The following PKD1L1 variants were observed in gnomAD, a reference collection of about 807,000 sequenced individuals.
The protein encoded by PKD1L1 is polycystin-1-like protein 1.
A neutral mutation model predicts 323.4 loss-of-function variants in PKD1L1; 236 were observed. The ratio of observed to expected loss-of-function variants is 0.73; its 90% CI spans 0.66 to 0.81. PKD1L1 has a LOEUF of 0.81. PKD1L1 is among the 40% of genes least tolerant of loss of function. The pLI is 0.00. For synonymous variants in PKD1L1, 1,344 were observed against 1,335.0 expected (o/e 1.01, Z -0.15); for missense variants, 3,320 against 3,508.0 (o/e 0.95, Z 1.35).
intron 26 of PKD1L1, among the ~76,000 whole-genome samples, chr7:47,864,465 G>C (rs1367792632): frequency 6.6e-6 from 1 of 152,080 alleles, no homozygotes; most frequent in East Asian, 1.9e-4. Flanking sequence ...TACCAATAAA[G>C]AACAAGCCCC....
chr7:47,935,054 T>C (rs1245449618), intron 4 of PKD1L1, among the ~76,000 whole-genome samples: 3 of 152,166 alleles, frequency 2.0e-5, no homozygotes, highest in African/African-American at 7.2e-5. Flanking sequence ...CCTGCCTGCA[T>C]TGCCAGGCCT....
At chr7:47,809,273 G>A (rs2128728665) in intron 51 of PKD1L1, 200 bp downstream of exon 51, 1 of 467,558 alleles carries the variant, frequency 2.1e-6, no homozygotes, top group Non-Finnish European at 3.8e-6. Flanking sequence ...TGAAATTCGT[G>A]TGGTACATGA....
chr7:47,813,638 T>A, intron 48 of PKD1L1: 2 of 666,454 alleles, frequency 3.0e-6, no homozygotes, highest in Non-Finnish European at 5.5e-6. Context: ...ATTTTTAGAT[T>A]GTTTGATTAA....
At chr7:47,950,395 A>C (rs1262332428), upstream of PKD1L1, among the ~76,000 whole-genome samples, 1 of 152,234 alleles carries the variant, frequency 6.6e-6, no homozygotes, top group Non-Finnish European at 1.5e-5. Flanking sequence ...GAGCAAAGAA[A>C]GTGACATAAT....
chr7:47,839,326 A>G lies in PKD1L1; in HGVS notation c.5769+120T>C. On this transcript the variant is annotated intron_variant, in intron 36 of 56. Transcript: ENST00000289672. The surrounding 1 kb of genome is among the most constrained non-coding windows in gnomAD (Gnocchi z 4.3). ...TTGATATCGTGGTAATTAACTAAGAAAAGAGGAATACACTTTAGAAGAGTT... is the reference window on the plus strand; with the variant it reads ...TTGATATCGTGGTAATTAACTAAGAGAAGAGGAATACACTTTAGAAGAGTT... The G allele has an allele frequency of 1.4e-6, 1 of 727,956 alleles. No individual in the cohort carries two copies. Among genetic ancestry groups the G allele is most frequent in the Non-Finnish European group, 2.2e-6 (1 of 453,354 alleles). The allele number at this position is 727,956 out of a possible 1,614,324, so 45.1% of individuals were successfully genotyped here.
In PKD1L1 at chr7:47,881,950, G is replaced by A. The variant is rs779221855; in HGVS notation, c.3401C>T (p.Ala1134Val). The A allele has an allele frequency of 1.2e-5, 19 of 1,613,466 alleles. 1 individual carries two copies. Among genetic ancestry groups the A allele is most frequent in the Admixed American group, 8.4e-5 (5 of 59,736 alleles). Residue 1134 changes from alanine to valine, a missense_variant, in exon 20 of 57, where the codon GCC becomes GTC. Physicochemically the swap from Ala to Val is moderately conservative, Grantham distance 64. Transcript: ENST00000289672. ...TTGGAAAACTGCTCGACCCAGCAGG[G>A]CCTTGGGCCAGTCAATCATGAGGAC... is the stretch of plus-strand genomic sequence containing the variant. ...EPVLMIDWPK[A>V]LLGRAVFQGY...
In PKD1L1 at chr7:47,904,685, A is replaced by G. The variant is rs1382354220; in HGVS notation, c.1692-68T>C. ...ACAAGAACAGGGTCAGGTCTAGAGA[A>G]ACCGTCTGCTATACTTTAAGAGGAA... On this transcript the variant is annotated intron_variant, in intron 11 of 56. Coordinates refer to ENST00000289672, the MANE Select transcript of PKD1L1 (RefSeq NM_138295.5). The G allele has an allele frequency of 5.0e-5, 77 of 1,527,622 alleles. 1 individual carries two copies. Among genetic ancestry groups the G allele is most frequent in the Middle Eastern group, 3.5e-4 (2 of 5,690 alleles). 94.6% of individuals were successfully genotyped at this position (1,527,622 alleles called of 1,614,324 possible). A position where few individuals can be genotyped will look rare whatever the true frequency, so the allele number is the denominator to read the frequency against.
chr7:47,840,187 T>C lies in PKD1L1; in HGVS notation c.5552+274A>G, dbSNP rs1302063996. Among the ~76,000 whole-genome samples, 1 of 152,182 alleles carries C rather than the reference T, an allele frequency of 6.6e-6. No individual in the cohort carries two copies. Among genetic ancestry groups the C allele is most frequent in the Non-Finnish European group, 1.5e-5 (1 of 68,036 alleles). ...CTAATTAAGGTCAGAAGGTTTAGTG[T>C]CATAGAAAACACTGATTATGAACTT... On this transcript the variant is annotated intron_variant, in intron 35 of 56. Coordinates refer to ENST00000289672, the MANE Select transcript of PKD1L1 (RefSeq NM_138295.5). The surrounding 1 kb of genome is among the most constrained non-coding windows in gnomAD (Gnocchi z 4.1).
In PKD1L1 at chr7:47,855,171, C is replaced by G. The variant is rs1188554805; in HGVS notation, c.4685G>C (p.Gly1562Ala). ...WLRKPVMVEF[G>A]EEDGLDNRRN... Reference sequence around the variant, plus strand: ...TCTCCTTACCAGGCCATCCTCCTCCCCAAACTCGACCATCACGGGTTTCCT... The same window carrying G: ...TCTCCTTACCAGGCCATCCTCCTCCGCAAACTCGACCATCACGGGTTTCCT... The change falls in exon 29 of 57, where the codon GGG becomes GCG. Residue 1562 changes from glycine to alanine, a missense_variant. Transcript: ENST00000289672. 6.2e-7 allele frequency: 1 copy of G among 1,614,114 alleles called. No homozygotes were observed. The highest frequency in any genetic ancestry group is 8.5e-7 in the Non-Finnish European group (1 of 1,179,984).
chr7:47,944,169 G>T (rs1788052005), intron 1 of PKD1L1, among the ~76,000 whole-genome samples: 1 of 152,178 alleles, frequency 6.6e-6, no homozygotes, highest in Admixed American at 6.5e-5. Context: ...GAGGCCTGGT[G>T]GGAGGTGTTT....
At chr7:47,960,492 G>A in the PKD1L1 span, among the ~76,000 whole-genome samples, 208 of 150,342 alleles carry the variant, frequency 1.4e-3, no homozygotes, top group Admixed American at 3.6e-3. Flanking sequence ...TGGAGATGGC[G>A]TTTCTGTTTT....
chr7:47,802,383 G>A (rs1349582015), intron 53 of PKD1L1, among the ~76,000 whole-genome samples: 1 of 152,188 alleles, frequency 6.6e-6, no homozygotes, highest in Non-Finnish European at 1.5e-5. Context: ...GTGAGCTGGA[G>A]TGTGGGACAG....
At chr7:47,873,760 C>T (rs539004455) in intron 24 of PKD1L1, 139 bp downstream of exon 24, 17 of 591,668 alleles carry the variant, frequency 2.9e-5, no homozygotes, top group African/African-American at 9.4e-5. Context: ...TGATAGCACC[C>T]GGACTTTTTT....
In PKD1L1 at chr7:47,821,198, GT is replaced by G. The variant is rs151245497; in HGVS notation, c.6855-13del. On this transcript the variant is annotated splice_polypyrimidine_tract_variant and intron_variant, in intron 45 of 56. Transcript: ENST00000289672. ...CCATGGAAATGTCTCTGTAAGAAGA[GT>G]TTTTAAGTTAGCATCCATACAGACC... 81,253 of 1,556,430 alleles carry G rather than the reference GT, an allele frequency of 0.052. 2,660 individuals carry two copies. Among genetic ancestry groups the G allele is most frequent in the South Asian group, 0.13 (11,775 of 89,694 alleles).
At chr7:47,848,775 A>G (rs933641152) in intron 31 of PKD1L1, among the ~76,000 whole-genome samples, 2 of 152,240 alleles carry the variant, frequency 1.3e-5, no homozygotes, top group Admixed American at 1.3e-4. Flanking sequence ...ATTGGACTCC[A>G]GCCTGGGCAA....
At chr7:47,859,331 C>G (rs372931297) in intron 26 of PKD1L1, among the ~76,000 whole-genome samples, 2 of 152,228 alleles carry the variant, frequency 1.3e-5, no homozygotes, top group Admixed American at 1.3e-4. Flanking sequence ...TCAAGCCATG[C>G]TGAATCTCTT....
chr7:47,842,392 G>A (rs562355732), intron 34 of PKD1L1, among the ~76,000 whole-genome samples: 21 of 152,094 alleles, frequency 1.4e-4, no homozygotes, highest in Non-Finnish European at 3.1e-4. Flanking sequence ...CTCGGGAAAT[G>A]GAAGCGTGAG....
chr7:47,805,913 C>T (rs1784766893), intron 52 of PKD1L1, among the ~76,000 whole-genome samples: 1 of 152,132 alleles, frequency 6.6e-6, no homozygotes, highest in South Asian at 2.1e-4. Flanking sequence ...TTATGCAGTG[C>T]CTGGCAGGAG....
rs974662260 is a variant in PKD1L1 at position 47,785,745 on chromosome 7, T to TTTC, written c.8526+6881_8526+6882insGAA. Among the ~76,000 whole-genome samples the TTTC allele has an allele frequency of 3.1e-4, 29 of 93,326 alleles. No homozygotes were observed. In the East Asian group the frequency reaches 8.9e-3, roughly 29 times the overall value. 61.2% of individuals were successfully genotyped at this position (93,326 alleles called of 152,430 possible). On this transcript the variant is annotated intron_variant, in intron 56 of 56. Coordinates refer to ENST00000289672, the MANE Select transcript of PKD1L1 (RefSeq NM_138295.5). Reference sequence around the variant, plus strand: ...TTCAGGCCGAGTTGATATTTCTTTCTTTTTTTTTTTTTTTGAGACAGAGTC... The same window carrying TTTC: ...TTCAGGCCGAGTTGATATTTCTTTCTTTCTTTTTTTTTTTTTTGAGACAGAGTC...
Sources: gnomAD v4.1 joint callset for allele counts (sites outside exome capture counted in the v4.1 genomes callset) on GRCh38, gnomAD v4.1.1 for gene constraint, Gnocchi (gnomAD v3.1) non-coding constraint, MANE v1.5 for transcripts, NCBI Gene and HGNC (gene_info 2026-07-23, HGNC 2026-07-21) for gene names.